ANKRD24: variants seen among roughly 807,000 people sequenced by gnomAD.
ANKRD24 encodes ankyrin repeat domain 24.
ANKRD24 carries 109 observed loss-of-function variants against 127.8 expected under a neutral mutation model. That is an observed-to-expected ratio of 0.85 (90% confidence interval 0.73 to 1.00). The LOEUF is 1.00. Among genes scored for constraint, ANKRD24 ranks in the 50% least tolerant of loss-of-function variants. The pLI is 0.00. For missense variants in ANKRD24, 1,648 were observed against 1,570.2 expected (o/e 1.05, Z -0.84); for synonymous variants, 743 against 671.1 (o/e 1.11, Z -1.66).
Position 4,217,440 on chromosome 19 carries a change from G to A in ANKRD24, c.2280G>A (p.Glu760=), listed in dbSNP as rs1160930338. 1 of 1,531,352 alleles carries A rather than the reference G, an allele frequency of 6.5e-7. No homozygotes were observed. Among genetic ancestry groups the A allele is most frequent in the Admixed American group, 2.1e-5 (1 of 46,678 alleles). 94.9% of individuals were successfully genotyped at this position (1,531,352 alleles called of 1,614,324 possible). The change falls in exon 18 of 22, where the codon GAG becomes GAA. Residue 760 remains glutamate (E), a synonymous_variant. Coordinates refer to ENST00000318934, the MANE Select transcript of ANKRD24 (RefSeq NM_001393985.1). ...ALGKCEAAEA[E]AGRLRERVRE... is the part of the protein sequence containing the mutation. ...GGAAGTGCGAGGCCGCGGAGGCCGAGGCAGGCCGGCTGCGAGAGCGTGTCC... is the reference window on the plus strand; with the variant it reads ...GGAAGTGCGAGGCCGCGGAGGCCGAAGCAGGCCGGCTGCGAGAGCGTGTCC...
rs902454506 is a variant in ANKRD24 at position 4,192,537 on chromosome 19, A to C, written c.36+6076A>C. On this transcript the variant is annotated intron_variant, in intron 2 of 21. Transcript: ENST00000318934. ...GGCCTCGTATTTTCATTTTTCACCG[A>C]GCCCTGCAAAACCTATAGCTGGTCC... 2.6e-5 allele frequency among the ~76,000 whole-genome samples: 4 copies of C among 151,484 alleles called. No homozygotes were observed. The East Asian group carries it at 7.8e-4, about 30-fold the overall frequency.
At position 4,198,276 on chromosome 19, in the gene ANKRD24, G is replaced by C. The variant is rs1283627980; in HGVS notation, c.37-1407G>C. 2.3e-6 allele frequency: 1 copy of C among 443,080 alleles called. No individual in the cohort carries two copies. The highest frequency in any genetic ancestry group is 4.0e-6 in the Non-Finnish European group (1 of 250,988). 27.4% of individuals were successfully genotyped at this position (443,080 alleles called of 1,614,324 possible). ...CCCCAGCCCCCAGCCCCCTACCTGG[G>C]TCTTCCCATTCCATCCCGTGGGGGA... On this transcript the variant is annotated intron_variant, in intron 2 of 21. Transcript: ENST00000318934. The surrounding 1 kb of genome is among the most constrained non-coding windows in gnomAD (Gnocchi z 6.1).
At chr19:4,192,553 T>C (rs1170491871) in intron 2 of ANKRD24, among the ~76,000 whole-genome samples, 1 of 151,410 alleles carries the variant, frequency 6.6e-6, no homozygotes, top group East Asian at 2.0e-4. Flanking sequence ...GCAAAACCTA[T>C]AGCTGGTCCT....
At chr19:4,223,328 C>A (rs1970543992) in intron 20 of ANKRD24, among the ~76,000 whole-genome samples, 1 of 148,782 alleles carries the variant, frequency 6.7e-6, no homozygotes, top group Admixed American at 6.8e-5. Context: ...AACTCCTGGC[C>A]TCAAGCAGTT....
chr19:4,220,500 A>G (rs1452061502), intron 19 of ANKRD24, among the ~76,000 whole-genome samples: 1 of 152,246 alleles, frequency 6.6e-6, no homozygotes, highest in East Asian at 1.9e-4. Flanking sequence ...AATGATGATA[A>G]CAACAGCCTC....
rs1192744184 is a variant in ANKRD24 at position 4,199,686 on chromosome 19, C to T, written c.40C>T (p.Arg14Trp). 9.2e-6 allele frequency: 14 copies of T among 1,528,224 alleles called. No homozygotes were observed. The highest frequency in any genetic ancestry group is 2.8e-5 in the African/African-American group (2 of 72,206). The allele number at this position is 1,528,224 out of a possible 1,614,324, so 94.7% of individuals were successfully genotyped here. The change falls in exon 3 of 22, where the codon CGG (arginine) becomes TGG (tryptophan). Residue 14 changes from arginine to tryptophan, a missense_variant. Physicochemically the swap from Arg to Trp is moderately radical, Grantham distance 101. Coordinates refer to ENST00000318934, the MANE Select transcript of ANKRD24 (RefSeq NM_001393985.1). This position sits in a 1 kb window ranked among gnomAD's most constrained non-coding sequence, Gnocchi z 5.2. ...CCAGGACCACCTCCCCCTGCAGCTG[C>T]GGCTCAGCCCCACTGACCTTGGCTC... ...LRARFKKTELRLSPTDLGSCP... is the reference protein window; with the variant it reads ...LRARFKKTELWLSPTDLGSCP...
Position 4,202,025 on chromosome 19 carries a change from G to C in ANKRD24, c.344-1G>C, listed in dbSNP as rs989042323. The stretch of plus-strand genomic sequence containing the variant: ...CCAGTAAATCTTCTTTCCTTCCCCA[G>C]GTTACAATGCCCTCCACCTGGCCGC... On this transcript the variant is annotated splice_acceptor_variant, in intron 5 of 21. Coordinates refer to ENST00000318934, the MANE Select transcript of ANKRD24 (RefSeq NM_001393985.1). LOFTEE classifies it high-confidence loss of function. 8 of 1,613,684 alleles carry C rather than the reference G, an allele frequency of 5.0e-6. No individual in the cohort carries two copies. The highest frequency in any genetic ancestry group is 5.9e-6 in the Non-Finnish European group (7 of 1,179,798).
chr19:4,199,322 TC>T lies in ANKRD24; in HGVS notation c.37-359del, dbSNP rs1968948283. On this transcript the variant is annotated intron_variant, in intron 2 of 21. Transcript: ENST00000318934. The surrounding 1 kb of genome is among the most constrained non-coding windows in gnomAD (Gnocchi z 5.2). ...TCTCAAAATTCCTGGGCTCAAATGA[TC>T]CTCCCACCTCAGCCTCCCAAGCAGC... is the stretch of plus-strand genomic sequence containing the variant. 6.6e-6 allele frequency among the ~76,000 whole-genome samples: 1 copy of T among 152,042 alleles called. No individual in the cohort carries two copies. Among genetic ancestry groups the T allele is most frequent in the Non-Finnish European group, 1.5e-5 (1 of 68,000 alleles).
rs146364042 is a variant in ANKRD24 at position 4,194,879 on chromosome 19, C to T, written c.37-4804C>T. ...AGTGTGGGGCAAGAGAGAGGTGTCA[C>T]GGTGATGCCAGGGCTTGGATGAAGC... is the stretch of plus-strand genomic sequence containing the variant. On this transcript the variant is annotated intron_variant, in intron 2 of 21. Transcript: ENST00000318934. Among the ~76,000 whole-genome samples the T allele has an allele frequency of 4.7e-4, 72 of 152,216 alleles. No individual in the cohort carries two copies. The Middle Eastern group carries it at 0.017, about 36-fold the overall frequency.
chr19:4,213,446 ATCCT>A (rs1270237140), intron 15 of ANKRD24, among the ~76,000 whole-genome samples: 1 of 83,400 alleles, frequency 1.2e-5, no homozygotes, highest in Non-Finnish European at 2.4e-5. Flanking sequence ...CTTTCCTTCT[ATCCT>A]TCCTTCTTTT....
chr19:4,218,392 C>G (rs1225317931), intron 18 of ANKRD24, among the ~76,000 whole-genome samples: 4 of 151,208 alleles, frequency 2.6e-5, no homozygotes, highest in Admixed American at 2.6e-4. Flanking sequence ...CTCCTCTTTC[C>G]CGGTTCAAGT....
At chr19:4,186,664 C>T (rs2145209206) in intron 2 of ANKRD24, among the ~76,000 whole-genome samples, 1 of 152,274 alleles carries the variant, frequency 6.6e-6, no homozygotes, top group Middle Eastern at 3.4e-3. Flanking sequence ...AGTCCGCTCT[C>T]CATGGAATTC....
Position 4,198,449 on chromosome 19 carries a change from C to T in ANKRD24, c.37-1234C>T, listed in dbSNP as rs572821870. On this transcript the variant is annotated intron_variant, in intron 2 of 21. Transcript: ENST00000318934. This position sits in a 1 kb window ranked among gnomAD's most constrained non-coding sequence, Gnocchi z 6.1. The stretch of plus-strand genomic sequence containing the variant: ...CTCCAGACCCTCTGGCCGCCGCCTC[C>T]TCTTGGAACCCCGTGCGCCCCCCGC... The T allele has an allele frequency of 3.3e-5, 20 of 607,244 alleles. No individual in the cohort carries two copies. Among genetic ancestry groups the T allele is most frequent in the African/African-American group, 3.1e-4 (16 of 52,188 alleles). The allele number at this position is 607,244 out of a possible 1,614,324, so 37.6% of individuals were successfully genotyped here. A position where few individuals can be genotyped will look rare whatever the true frequency, so the allele number is the denominator to read the frequency against.
chr19:4,194,519 C>A (rs1339918647), intron 2 of ANKRD24, among the ~76,000 whole-genome samples: 1 of 152,084 alleles, frequency 6.6e-6, no homozygotes, highest in Non-Finnish European at 1.5e-5. Context: ...CTTTTCTCTC[C>A]CCCCTCCAAC....
chr19:4,186,930 C>A (rs569510862), intron 2 of ANKRD24, among the ~76,000 whole-genome samples: 2 of 152,126 alleles, frequency 1.3e-5, no homozygotes, highest in African/African-American at 4.8e-5. Context: ...CTCGTGGAGC[C>A]GACCGCTGAG....
chr19:4,200,307 C>G (rs1969027685), intron 5 of ANKRD24, 136 bp downstream of exon 5: 2 of 973,916 alleles, frequency 2.1e-6, no homozygotes, highest in Non-Finnish European at 3.0e-6. Context: ...TGCTCCTCCC[C>G]TGCCCCCAGG....
chr19:4,216,226 C>T, intron 16 of ANKRD24, 58 bp from the exon 17 acceptor site: 2 of 1,499,166 alleles, frequency 1.3e-6, no homozygotes, highest in South Asian at 1.2e-5. Flanking sequence ...TCCAGCCCCC[C>T]ACCTCCTGTC....
rs772683887 is a variant in ANKRD24 at position 4,218,088 on chromosome 19, C to A, written c.2928C>A (p.Ala976=). The A allele has an allele frequency of 1.9e-6, 3 of 1,547,210 alleles. No individual in the cohort carries two copies. The highest frequency in any genetic ancestry group is 2.6e-6 in the Non-Finnish European group (3 of 1,149,202). Residue 976 remains alanine (A), a synonymous_variant, in exon 18 of 22, where the codon GCC becomes GCA. Coordinates refer to ENST00000318934, the MANE Select transcript of ANKRD24 (RefSeq NM_001393985.1). Reference sequence around the variant, plus strand: ...AACGCATCGTGGGCACCCTGCAGGCCAACGTGGCCCAGCTGGAGGGGCAGC... The same window carrying A: ...AACGCATCGTGGGCACCCTGCAGGCAAACGTGGCCCAGCTGGAGGGGCAGC... ...EHERIVGTLQ[A]NVAQLEGQLE... is the part of the protein sequence containing the mutation.
rs192184186 is a variant in ANKRD24, at chr19:4,187,810, C to A, written c.36+1349C>A. Among the ~76,000 whole-genome samples the A allele has an allele frequency of 2.6e-5, 4 of 152,234 alleles. No individual in the cohort carries two copies. The East Asian group carries it at 7.7e-4, about 29-fold the overall frequency. On this transcript the variant is annotated intron_variant, in intron 2 of 21. Coordinates refer to ENST00000318934, the MANE Select transcript of ANKRD24 (RefSeq NM_001393985.1). Reference sequence around the variant, plus strand: ...TGGCCTGGAGAAATCAGGGAGTCTGCCTGGAGGAGGTGGCACCGGAGCAGA... The same window carrying A: ...TGGCCTGGAGAAATCAGGGAGTCTGACTGGAGGAGGTGGCACCGGAGCAGA...
Sources: gnomAD v4.1 joint callset for allele counts (sites outside exome capture counted in the v4.1 genomes callset) on GRCh38, gnomAD v4.1.1 for gene constraint, Gnocchi (gnomAD v3.1) non-coding constraint, MANE v1.5 for transcripts, NCBI Gene and HGNC (gene_info 2026-07-23, HGNC 2026-07-21) for gene names.